The following NUDT1 variants were observed in gnomAD, a reference collection of about 807,000 sequenced individuals.
The protein encoded by NUDT1 is nudix hydrolase 1.
NUDT1 carries 16 observed loss-of-function variants against 11.3 expected under a neutral mutation model. The observed-to-expected ratio is 1.41, with a 90% CI of 0.96 to 2.15. NUDT1 has a LOEUF of 2.15. NUDT1 is among the 30% of genes most tolerant of loss of function. The pLI is 0.00. For synonymous variants in NUDT1, 101 were observed against 84.4 expected (o/e 1.20, Z -1.08); for missense variants, 234 against 208.4 (o/e 1.12, Z -0.76).
At chr7:2,250,481 G>A (rs35544211) in intron 3 of NUDT1, among the ~76,000 whole-genome samples, 5,012 of 152,294 alleles carry the variant, frequency 0.033, 98 homozygotes, top group Non-Finnish European at 0.051. Flanking sequence ...GTTTTGAGAC[G>A]AAGTCTCGCT....
intron 2 of NUDT1, chr7:2,249,516 C>T (rs79943740): frequency 0.012 from 4,652 of 390,346 alleles, 75 homozygotes; most frequent in South Asian, 0.036. Context: ...GGTCTCGAGA[C>T]GGTGGACAAG....
intron 2 of NUDT1, among the ~76,000 whole-genome samples, chr7:2,248,607 A>G (rs968649218): frequency 7.0e-5 from 10 of 142,806 alleles, no homozygotes; most frequent in Non-Finnish European, 1.0e-4. Context: ...GCTGGAGTGC[A>G]GTGGAGTAAT....
At chr7:2,247,520 A>G (rs1794818497) in intron 2 of NUDT1, among the ~76,000 whole-genome samples, 1 of 152,226 alleles carries the variant, frequency 6.6e-6, no homozygotes, top group Admixed American at 6.5e-5. Flanking sequence ...GGCCGGGGAC[A>G]CAGGAGCAGC....
intron 2 of NUDT1, 48 bp from the exon 3 acceptor site, chr7:2,249,808 TG>T (rs1562410112): frequency 6.2e-7 from 1 of 1,605,882 alleles, no homozygotes. Context: ...CGTGTGGGCA[TG>T]GCACCATGCC....
At chr7:2,242,339 G>C in intron 1 of NUDT1, 83 bp downstream of exon 1, 3 of 612,772 alleles carry the variant, frequency 4.9e-6, no homozygotes, top group South Asian at 4.2e-5. Flanking sequence ...GAGACTAGGG[G>C]AGCTGAGCCA....
chr7:2,242,298 C>T, intron 1 of NUDT1, 42 bp downstream of exon 1: 2 of 904,710 alleles, frequency 2.2e-6, no homozygotes, highest in Non-Finnish European at 3.2e-6. Context: ...TCGTGGTGAC[C>T]AGGGAGGGGA....
intron 2 of NUDT1, among the ~76,000 whole-genome samples, chr7:2,247,420 T>A (rs1365555001): frequency 6.6e-6 from 1 of 152,082 alleles, no homozygotes; most frequent in Non-Finnish European, 1.5e-5. Context: ...TAGGGAGTAC[T>A]GAATTGTGGG....
chr7:2,251,093 G>A lies in NUDT1; in HGVS notation c.*92G>A, dbSNP rs1056708074. The A allele has an allele frequency of 3.0e-6, 4 of 1,314,542 alleles. No individual in the cohort carries two copies. The African/African-American group carries it at 4.3e-5, about 14-fold the overall frequency. The allele number at this position is 1,314,542 out of a possible 1,614,324, so 81.4% of individuals were successfully genotyped here. ...GGGGGCATTGAGTGGCGCAGAGCCG[G>A]GTTTCATCTGGAATTAACTGGATGG... On this transcript the variant is annotated 3_prime_UTR_variant, in exon 4 of 4. Coordinates refer to ENST00000356714, the MANE Select transcript of NUDT1 (RefSeq NM_002452.4).
chr7:2,247,942 C>G (rs1262488753), intron 2 of NUDT1: 1 of 152,244 alleles, frequency 6.6e-6, no homozygotes, highest in Non-Finnish European at 1.5e-5. Context: ...AGTAGAAGCA[C>G]ACGTTCACTT....
chr7:2,243,794 G>A (rs1463559417), intron 1 of NUDT1, among the ~76,000 whole-genome samples: 1 of 152,340 alleles, frequency 6.6e-6, no homozygotes, highest in African/African-American at 2.4e-5. Context: ...AGGAAAGTTG[G>A]TCCTGGCCCT....
At chr7:2,246,561 T>C (rs1794773624) in intron 2 of NUDT1, among the ~76,000 whole-genome samples, 1 of 152,246 alleles carries the variant, frequency 6.6e-6, no homozygotes, top group Non-Finnish European at 1.5e-5. Flanking sequence ...CTTCTCGTCC[T>C]GCTGGTGACA....
chr7:2,244,568 A>G lies in NUDT1; in HGVS notation c.-7A>G. On this transcript the variant is annotated 5_prime_UTR_variant, in exon 2 of 4. Transcript: ENST00000356714. The stretch of plus-strand genomic sequence containing the variant: ...CCCTCTCACCTTCCTTTCAGAACCC[A>G]GGGACCATGGGCGCCTCCAGGCTCT... 6.4e-7 allele frequency: 1 copy of G among 1,562,122 alleles called. No individual in the cohort carries two copies. Among genetic ancestry groups the G allele is most frequent in the South Asian group, 1.2e-5 (1 of 84,078 alleles).
At chr7:2,243,216 TGGGGTTTTTTTATAGGCACAGGAC>T (rs1794623220) in intron 1 of NUDT1, among the ~76,000 whole-genome samples, 1 of 152,022 alleles carries the variant, frequency 6.6e-6, no homozygotes, top group Non-Finnish European at 1.5e-5. Flanking sequence ...AAAAAACCAC[TGGGGTTTTTTTATAGGCACAGGAC>T]GGGGACGTGG....
rs1794903725 is a variant in NUDT1, at chr7:2,249,778, C to T, written c.153-79C>T. The stretch of plus-strand genomic sequence containing the variant: ...GCTCCCTGGGCTGTGTGTAGATGCC[C>T]AGCTCCTCCTCCCTGCCATCGTGTG... On this transcript the variant is annotated intron_variant, in intron 2 of 3. Transcript: ENST00000356714. 7 of 1,578,288 alleles carry T rather than the reference C, an allele frequency of 4.4e-6. No individual in the cohort carries two copies. The Admixed American group carries it at 1.2e-4, about 27-fold the overall frequency.
intron 3 of NUDT1, 36 bp downstream of exon 3, chr7:2,250,038 T>C: frequency 1.2e-6 from 2 of 1,608,896 alleles, no homozygotes; most frequent in African/African-American, 2.7e-5. Flanking sequence ...CTCCCCACTA[T>C]GCGGGTCCCA....
chr7:2,242,226 A>G lies in NUDT1; in HGVS notation c.-43A>G, dbSNP rs372759004. 1.9e-4 allele frequency: 294 copies of G among 1,518,640 alleles called. 3 individuals carry two copies. The African/African-American group carries it at 3.3e-3, about 17-fold the overall frequency. 94.1% of individuals were successfully genotyped at this position (1,518,640 alleles called of 1,614,324 possible). A position where few individuals can be genotyped will look rare whatever the true frequency, so the allele number is the denominator to read the frequency against. On this transcript the variant is annotated 5_prime_UTR_variant, in exon 1 of 4. Coordinates refer to ENST00000356714, the MANE Select transcript of NUDT1 (RefSeq NM_002452.4). ...GAAGTGCCTGGCCTCACTTCCGGTC[A>G]GAGGCCACGCCCCCGGAAGCGGCGG...
intron 1 of NUDT1, chr7:2,242,478 G>T: frequency 2.1e-6 from 1 of 474,900 alleles, no homozygotes; most frequent in Non-Finnish European, 3.7e-6. Context: ...GCGGAGGCTT[G>T]GGGGAGACCA....
At position 2,246,224 on chromosome 7, in the gene NUDT1, TGAG is replaced by T. The variant is rs35820123; in HGVS notation, c.152+1504_152+1506del. 3.8e-3 allele frequency among the ~76,000 whole-genome samples: 585 copies of T among 152,292 alleles called. 4 individuals are homozygous for T. Among genetic ancestry groups the T allele is most frequent in the South Asian group, 0.035 (170 of 4,826 alleles). ...CTGCTCTGTGTGGGGCCTGGGGACA[TGAG>T]GAGGAACAGGTCAGTCCCTGCCTCT... On this transcript the variant is annotated intron_variant, in intron 2 of 3. Transcript: ENST00000356714.
Position 2,250,826 on chromosome 7 carries a change from C to T in NUDT1, c.299-3C>T. On this transcript the variant is annotated splice_polypyrimidine_tract_variant and splice_region_variant and intron_variant, in intron 3 of 3. Transcript: ENST00000356714. Reference sequence around the variant, plus strand: ...AGTGCCTCCTCTTCCCCCATTGGTACAGAAATGCGCCCATGCTGGTTCCAG... The same window carrying T: ...AGTGCCTCCTCTTCCCCCATTGGTATAGAAATGCGCCCATGCTGGTTCCAG... 3.7e-6 allele frequency: 6 copies of T among 1,614,102 alleles called. No individual in the cohort carries two copies. Among genetic ancestry groups the T allele is most frequent in the Non-Finnish European group, 5.1e-6 (6 of 1,179,946 alleles).
Sources: gnomAD v4.1 joint callset for allele counts (sites outside exome capture counted in the v4.1 genomes callset) on GRCh38, gnomAD v4.1.1 for gene constraint, MANE v1.5 for transcripts, NCBI Gene and HGNC (gene_info 2026-07-23, HGNC 2026-07-21) for gene names.